OXR1: variants seen among roughly 807,000 people sequenced by gnomAD.
The protein encoded by OXR1 is oxidation resistance protein 1.
A neutral mutation model predicts 104.6 loss-of-function variants in OXR1; 41 were observed. The observed-to-expected ratio is 0.39, with a 90% CI of 0.31 to 0.51. The LOEUF (loss-of-function observed/expected upper bound fraction) is 0.51, where lower values mean the gene tolerates loss of function less well. OXR1 is among the 20% of genes least tolerant of loss of function. The probability of loss-of-function intolerance (pLI) is 0.77; values close to 1 mark genes in which losing one functional copy is unlikely to be tolerated. For missense variants in OXR1, 955 were observed against 1,031.9 expected (o/e 0.93, Z 1.02); for synonymous variants, 348 against 348.4 (o/e 1.00, Z 0.01).
intron 13 of OXR1, 56 bp from the exon 14 acceptor site, chr8:106,740,287 T>TA (rs1834811014): frequency 7.2e-6 from 10 of 1,388,894 alleles, no homozygotes; most frequent in Non-Finnish European, 1.0e-5. Context: ...GGCATTAGTA[T>TA]TCTACATAAT....
intron 1 of OXR1, chr8:106,272,639 G>A (rs1347528613): frequency 6.6e-6 from 1 of 152,218 alleles, no homozygotes; most frequent in Non-Finnish European, 1.5e-5. Flanking sequence ...CTAATGGCCA[G>A]GGCATGTCTT....
At chr8:106,414,126 A>T (rs1485270001) in intron 2 of OXR1, among the ~76,000 whole-genome samples, 2 of 152,068 alleles carry the variant, frequency 1.3e-5, no homozygotes, top group African/African-American at 4.8e-5. Flanking sequence ...ATAAATAAGG[A>T]TCTAAGGAGC....
chr8:106,437,343 T>C (rs1026108443), intron 2 of OXR1, among the ~76,000 whole-genome samples: 1 of 152,156 alleles, frequency 6.6e-6, no homozygotes, highest in African/African-American at 2.4e-5. Flanking sequence ...ATTTCATAGA[T>C]ATCTTTGCGT....
Position 106,564,565 on chromosome 8 carries a change from C to T in OXR1, c.220+45426C>T, listed in dbSNP as rs192253864. 6.8e-4 allele frequency among the ~76,000 whole-genome samples: 104 copies of T among 152,248 alleles called. No homozygotes were observed. The Middle Eastern group carries it at 0.014, about 20-fold the overall frequency. On this transcript the variant is annotated intron_variant, in intron 3 of 16. Transcript: ENST00000517566. ...ATTCTACCAGAGGTACAAAGAGGAGCTGGTACCATTCCTTCTGAAACTATT... is the reference window on the plus strand; with the variant it reads ...ATTCTACCAGAGGTACAAAGAGGAGTTGGTACCATTCCTTCTGAAACTATT...
intron 2 of OXR1, among the ~76,000 whole-genome samples, chr8:106,468,997 ATTGT>A (rs71972280): frequency 7.2e-6 from 1 of 139,348 alleles, no homozygotes; most frequent in South Asian, 2.4e-4. Context: ...TGTTGTGGTC[ATTGT>A]TTGTTTGTGT....
chr8:106,748,546 T>C (rs1478414688), intron 16 of OXR1, among the ~76,000 whole-genome samples: 3 of 141,492 alleles, frequency 2.1e-5, no homozygotes, highest in Non-Finnish European at 4.6e-5. Flanking sequence ...TGTTGTGAAG[T>C]ACCAACTCTT....
At chr8:106,553,053 A>G (rs1241568365) in intron 3 of OXR1, among the ~76,000 whole-genome samples, 6 of 152,150 alleles carry the variant, frequency 3.9e-5, no homozygotes, top group African/African-American at 1.2e-4. Flanking sequence ...ATCTTAGGAA[A>G]GAAAATTTTT....
chr8:106,614,931 G>C (rs191557153), intron 3 of OXR1, among the ~76,000 whole-genome samples: 1 of 152,122 alleles, frequency 6.6e-6, no homozygotes, highest in African/African-American at 2.4e-5. Context: ...GCCCTCCTTT[G>C]CATATTCCGC....
At chr8:106,336,286 A>T (rs1191372257) in intron 1 of OXR1, among the ~76,000 whole-genome samples, 1 of 152,172 alleles carries the variant, frequency 6.6e-6, no homozygotes, top group African/African-American at 2.4e-5. Context: ...ACCCCAGTGG[A>T]TCCCCAAGGA....
At chr8:106,340,067 C>A (rs1375578658) in intron 1 of OXR1, among the ~76,000 whole-genome samples, 1 of 152,040 alleles carries the variant, frequency 6.6e-6, no homozygotes, top group Non-Finnish European at 1.5e-5. Context: ...AAGCTTCCAG[C>A]CTAAAGCTCT....
At chr8:106,624,660 A>G (rs3134134) in intron 3 of OXR1, among the ~76,000 whole-genome samples, 52,704 of 152,020 alleles carry the variant, frequency 0.35, 9,553 homozygotes, top group African/African-American at 0.44. Context: ...GTGTGTCCCA[A>G]TTGTAAATCT....
At chr8:106,480,050 T>C in intron 2 of OXR1, among the ~76,000 whole-genome samples, 1 of 152,006 alleles carries the variant, frequency 6.6e-6, no homozygotes, top group Non-Finnish European at 1.5e-5. Context: ...TCTATGTTTT[T>C]AACAACTATG....
intron 3 of OXR1, among the ~76,000 whole-genome samples, chr8:106,658,653 G>C (rs146411378): frequency 1.3e-5 from 2 of 152,312 alleles, no homozygotes; most frequent in Middle Eastern, 3.4e-3. Context: ...TAAAAAGCCA[G>C]ATACTTCTTT....
chr8:106,534,957 T>G (rs886809489), intron 3 of OXR1, among the ~76,000 whole-genome samples: 12 of 152,114 alleles, frequency 7.9e-5, no homozygotes, highest in African/African-American at 2.4e-4. Flanking sequence ...CACGAGGTTT[T>G]TTTTGTTTTG....
At chr8:106,326,656 T>C (rs7824188) in intron 1 of OXR1, among the ~76,000 whole-genome samples, 47,956 of 152,012 alleles carry the variant, frequency 0.32, 10,094 homozygotes, top group African/African-American at 0.6. Flanking sequence ...GAGAGCCATG[T>C]GAATATAGGG....
At chr8:106,342,905 C>G (rs777713403) in intron 1 of OXR1, among the ~76,000 whole-genome samples, 1 of 152,160 alleles carries the variant, frequency 6.6e-6, no homozygotes, top group Non-Finnish European at 1.5e-5. Context: ...AAAGAGTATA[C>G]TCTAAATCTA....
chr8:106,324,862 C>T (rs534324670), intron 1 of OXR1, among the ~76,000 whole-genome samples: 1 of 152,278 alleles, frequency 6.6e-6, no homozygotes, highest in East Asian at 1.9e-4. Context: ...CTCATCTCTG[C>T]TGAGGAGGGG....
At chr8:106,452,075 A>G (rs1350739057) in intron 2 of OXR1, among the ~76,000 whole-genome samples, 1 of 152,212 alleles carries the variant, frequency 6.6e-6, no homozygotes, top group Non-Finnish European at 1.5e-5. Flanking sequence ...CACATGGAAC[A>G]TAGTCTAGCT....
intron 2 of OXR1, among the ~76,000 whole-genome samples, chr8:106,460,515 G>T (rs550309566): frequency 6.6e-6 from 1 of 152,228 alleles, no homozygotes; most frequent in Admixed American, 6.5e-5. Context: ...GTGATGCCTT[G>T]GTTTCAGAAG....
Sources: gnomAD v4.1 joint callset for allele counts (sites outside exome capture counted in the v4.1 genomes callset) on GRCh38, gnomAD v4.1.1 for gene constraint, MANE v1.5 for transcripts, NCBI Gene and HGNC (gene_info 2026-07-23, HGNC 2026-07-21) for gene names.